STK3: variants seen among roughly 807,000 people sequenced by gnomAD.
The protein encoded by STK3 is serine/threonine kinase 3.
STK3 carries 41 observed loss-of-function variants against 58.0 expected under a neutral mutation model. The ratio of observed to expected loss-of-function variants is 0.71; its 90% CI spans 0.55 to 0.92. The LOEUF is 0.92. STK3 is among the 40% of genes least tolerant of loss of function. STK3 has a pLI of 0.00. For missense variants in STK3, 479 were observed against 602.7 expected, an observed-to-expected ratio of 0.79 and a Z score of 2.15; for synonymous variants, 170 against 191.0, an observed-to-expected ratio of 0.89 and a Z score of 0.91.
rs1016504653 is a variant in STK3 at position 98,895,627 on chromosome 8, G to A, written c.-78-11793C>T. On this transcript the variant is annotated intron_variant, in intron 1 of 1. Coordinates refer to the STK3 transcript ENST00000519420. The stretch of plus-strand genomic sequence containing the variant: ...AGAAGCGTATGGCTTGATGGCTACA[G>A]GCAGCCATCCTCCAACATGAGAAGC... Among the ~76,000 whole-genome samples, 3 of 152,138 alleles carry A rather than the reference G, an allele frequency of 2.0e-5. No individual in the cohort carries two copies. The East Asian group carries it at 5.8e-4, about 29-fold the overall frequency.
intron 4 of STK3, among the ~76,000 whole-genome samples, chr8:98,740,662 G>A (rs1232810204): frequency 4.6e-5 from 7 of 152,120 alleles, no homozygotes; most frequent in Non-Finnish European, 7.3e-5. Flanking sequence ...AAAGACCATC[G>A]AGGCTAGGAA....
chr8:98,593,084 C>T (rs908016577), intron 7 of STK3, among the ~76,000 whole-genome samples: 11 of 152,024 alleles, frequency 7.2e-5, no homozygotes, highest in African/African-American at 2.4e-5. Context: ...TTTAGAATCT[C>T]GGCTGCCCAC....
intron 1 of STK3, among the ~76,000 whole-genome samples, chr8:98,446,630 A>G (rs1177938633): frequency 6.6e-6 from 1 of 152,196 alleles, no homozygotes; most frequent in African/African-American, 2.4e-5. Context: ...GAGGTTGCGG[A>G]GAAAAGGGAA....
At chr8:98,766,805 A>C (rs1830977472) in intron 3 of STK3, among the ~76,000 whole-genome samples, 1 of 152,192 alleles carries the variant, frequency 6.6e-6, no homozygotes, top group Admixed American at 6.5e-5. Flanking sequence ...TAAAGGATTA[A>C]TCTCACTTCC....
chr8:98,897,625 T>C (rs574843900), intron 1 of STK3, among the ~76,000 whole-genome samples: 5 of 152,174 alleles, frequency 3.3e-5, no homozygotes, highest in African/African-American at 9.6e-5. Flanking sequence ...AAAAAAAGTC[T>C]TTTTATCCTC....
At chr8:98,851,420 C>T (rs1202976246) in intron 3 of STK3, among the ~76,000 whole-genome samples, 5 of 152,196 alleles carry the variant, frequency 3.3e-5, no homozygotes, top group African/African-American at 1.2e-4. Context: ...GAGGGGCCTT[C>T]AGATATGACC....
At chr8:98,388,916 T>A (rs1200379491), upstream of STK3, among the ~76,000 whole-genome samples, 1 of 152,278 alleles carries the variant, frequency 6.6e-6, no homozygotes, top group Non-Finnish European at 1.5e-5. Context: ...AAGTTCTAGA[T>A]CTGCCACTTA....
At chr8:98,366,189 A>G in the STK3 span, among the ~76,000 whole-genome samples, 1 of 152,198 alleles carries the variant, frequency 6.6e-6, no homozygotes, top group African/African-American at 2.4e-5. Flanking sequence ...AATAATGTGC[A>G]ATTGAATTTC....
chr8:98,662,101 T>C (rs545823223), intron 6 of STK3, among the ~76,000 whole-genome samples: 4 of 152,212 alleles, frequency 2.6e-5, no homozygotes, highest in African/African-American at 9.6e-5. Flanking sequence ...TAATCAATGT[T>C]TGAAAAAAAT....
chr8:98,614,602 G>A (rs976479881), intron 6 of STK3, among the ~76,000 whole-genome samples: 23 of 149,748 alleles, frequency 1.5e-4, no homozygotes, highest in East Asian at 3.9e-4. Context: ...GTGGGTGTGC[G>A]CACCGTGCGC....
chr8:98,370,403 C>T (rs1817599713), downstream of STK3, among the ~76,000 whole-genome samples: 1 of 150,388 alleles, frequency 6.6e-6, no homozygotes. Context: ...AGAACACTGG[C>T]TTTAACACTG....
intron 1 of STK3, among the ~76,000 whole-genome samples, chr8:98,810,256 C>T (rs1276196395): frequency 6.6e-6 from 1 of 152,098 alleles, no homozygotes; most frequent in Non-Finnish European, 1.5e-5. Context: ...GGATACAGAT[C>T]CAAAGCATAT....
chr8:98,679,581 T>C (rs1484147501), intron 6 of STK3, among the ~76,000 whole-genome samples: 1 of 152,200 alleles, frequency 6.6e-6, no homozygotes, highest in Non-Finnish European at 1.5e-5. Flanking sequence ...ATAAACTCAA[T>C]AAAGAGAAAT....
intron 6 of STK3, among the ~76,000 whole-genome samples, chr8:98,647,449 G>A (rs1820485797): frequency 6.6e-6 from 1 of 151,988 alleles, no homozygotes; most frequent in Admixed American, 6.6e-5. Context: ...TATCCCAAAT[G>A]CCTAGAAAGG....
intron 4 of STK3, among the ~76,000 whole-genome samples, chr8:98,747,548 A>G (rs916775999): frequency 6.6e-6 from 1 of 152,242 alleles, no homozygotes; most frequent in Non-Finnish European, 1.5e-5. Context: ...AAAGGCCTAC[A>G]ACATCCAGAT....
intron 3 of STK3, among the ~76,000 whole-genome samples, chr8:98,410,984 A>G (rs956644779): frequency 1.3e-5 from 2 of 152,216 alleles, no homozygotes; most frequent in Non-Finnish European, 2.9e-5. Context: ...TGAATTATGT[A>G]CTAGCAAAGC....
At chr8:98,687,693 AG>A in intron 6 of STK3, among the ~76,000 whole-genome samples, 1 of 152,360 alleles carries the variant, frequency 6.6e-6, no homozygotes, top group African/African-American at 2.4e-5. Flanking sequence ...TCATAAATGA[AG>A]GAAAAATAAT....
intron 6 of STK3, among the ~76,000 whole-genome samples, chr8:98,663,010 A>G (rs1329750259): frequency 6.6e-6 from 1 of 152,228 alleles, no homozygotes; most frequent in Non-Finnish European, 1.5e-5. Context: ...AATGGCAACA[A>G]AAGCCAAAAT....
intron 1 of STK3, among the ~76,000 whole-genome samples, chr8:98,892,325 T>A (rs771689199): frequency 6.6e-6 from 1 of 152,222 alleles, no homozygotes; most frequent in Non-Finnish European, 1.5e-5. Flanking sequence ...CCTCCTGACC[T>A]GTCTGTGTGC....
Sources: gnomAD v4.1 joint callset for allele counts (sites outside exome capture counted in the v4.1 genomes callset) on GRCh38, gnomAD v4.1.1 for gene constraint, MANE v1.5 for transcripts, NCBI Gene and HGNC (gene_info 2026-07-23, HGNC 2026-07-21) for gene names.